The following EBF2 variants were observed in gnomAD, a reference collection of about 807,000 sequenced individuals.
The protein encoded by EBF2 is transcription factor COE2.
In EBF2, 21 loss-of-function variants were observed where a neutral mutation model predicts 72.8. The ratio of observed to expected loss-of-function variants is 0.29; its 90% CI spans 0.20 to 0.42. EBF2 has a LOEUF of 0.42. EBF2 is among the 10% of genes least tolerant of loss of function. The pLI is 1.00. For missense variants in EBF2, 637 were observed against 731.2 expected, an observed-to-expected ratio of 0.87 and a Z score of 1.49; for synonymous variants, 299 against 274.2, an observed-to-expected ratio of 1.09 and a Z score of -0.89.
chr8:25,996,952 T>C (rs992601541), intron 6 of EBF2, among the ~76,000 whole-genome samples: 3 of 152,210 alleles, frequency 2.0e-5, no homozygotes, highest in African/African-American at 7.2e-5. Flanking sequence ...CCACTATTTT[T>C]AGGGAAATAC....
At chr8:25,932,153 C>T (rs1453943355) in intron 6 of EBF2, among the ~76,000 whole-genome samples, 1 of 152,082 alleles carries the variant, frequency 6.6e-6, no homozygotes, top group Non-Finnish European at 1.5e-5. Flanking sequence ...GTTCTAGTCC[C>T]AGAACTGCAC....
intron 6 of EBF2, among the ~76,000 whole-genome samples, chr8:25,927,920 T>C (rs950942788): frequency 7.9e-5 from 12 of 152,310 alleles, no homozygotes; most frequent in Admixed American, 3.9e-4. Context: ...CTGTCATGAA[T>C]AAAACCTGGC....
chr8:25,908,380 A>G, intron 7 of EBF2, 94 bp downstream of exon 7: 2 of 926,988 alleles, frequency 2.2e-6, no homozygotes, highest in Admixed American at 2.4e-5. Context: ...AGCAGTGAAT[A>G]GTAATTTTTA....
intron 6 of EBF2, among the ~76,000 whole-genome samples, chr8:26,013,052 T>C (rs1554481764): frequency 2.0e-5 from 3 of 152,110 alleles, no homozygotes; most frequent in Non-Finnish European, 4.4e-5. Flanking sequence ...TCCTAGTTGA[T>C]GAAGAGTGTT....
intron 6 of EBF2, among the ~76,000 whole-genome samples, chr8:25,962,821 A>C (rs1804056511): frequency 6.6e-6 from 1 of 152,192 alleles, no homozygotes; most frequent in Non-Finnish European, 1.5e-5. Flanking sequence ...AATCCCCTAC[A>C]ACAAGTTATG....
intron 6 of EBF2, among the ~76,000 whole-genome samples, chr8:25,984,596 T>A (rs777557379): frequency 3.2e-4 from 49 of 151,754 alleles, no homozygotes; most frequent in Non-Finnish European, 6.2e-4. Flanking sequence ...ACAGGAGAAT[T>A]GCTTGAAACC....
chr8:25,843,111 A>G lies in EBF2; in HGVS notation c.*1498T>C, dbSNP rs13257257. On this transcript the variant is annotated 3_prime_UTR_variant, in exon 16 of 16. Coordinates refer to ENST00000520164, the MANE Select transcript of EBF2 (RefSeq NM_022659.4). The stretch of plus-strand genomic sequence containing the variant: ...TCTTCCCCTCTAAGAGCTAGTCACA[A>G]AACGATGAAGAGCCCATCAAAGGGC... 0.29 allele frequency: 44,248 copies of G among 152,112 alleles called. 6,619 individuals carry two copies. Among genetic ancestry groups the G allele is most frequent in the South Asian group, 0.41 (1,966 of 4,822 alleles). 9.4% of individuals were successfully genotyped at this position (152,112 alleles called of 1,614,324 possible).
chr8:25,922,826 G>A (rs1045921440), intron 6 of EBF2, among the ~76,000 whole-genome samples: 3 of 152,070 alleles, frequency 2.0e-5, no homozygotes, highest in Non-Finnish European at 4.4e-5. Flanking sequence ...TAATTGACAC[G>A]CTCAGTATCC....
chr8:25,962,311 G>A (rs1196139497), intron 6 of EBF2, among the ~76,000 whole-genome samples: 1 of 152,122 alleles, frequency 6.6e-6, no homozygotes, highest in Non-Finnish European at 1.5e-5. Context: ...GGTTTTGTGT[G>A]GACCCCAGTT....
At chr8:25,993,825 G>A (rs527241946) in intron 6 of EBF2, among the ~76,000 whole-genome samples, 16 of 152,238 alleles carry the variant, frequency 1.1e-4, no homozygotes, top group African/African-American at 3.6e-4. Context: ...AGCTTATTAT[G>A]TTCCAGGAAT....
At chr8:25,950,475 G>A in intron 6 of EBF2, among the ~76,000 whole-genome samples, 1 of 152,206 alleles carries the variant, frequency 6.6e-6, no homozygotes, top group East Asian at 1.9e-4. Flanking sequence ...GCTCCTGAAA[G>A]TTCCTGGCTG....
At chr8:25,941,486 G>A (rs895583074) in intron 6 of EBF2, among the ~76,000 whole-genome samples, 12 of 152,136 alleles carry the variant, frequency 7.9e-5, no homozygotes, top group African/African-American at 2.2e-4. Flanking sequence ...GATTACAGGC[G>A]TGAGCCACTA....
Position 25,860,282 on chromosome 8 carries a change from G to A in EBF2, c.1342+767C>T, listed in dbSNP as rs563604645. On this transcript the variant is annotated intron_variant, in intron 13 of 15. Coordinates refer to ENST00000520164, the MANE Select transcript of EBF2 (RefSeq NM_022659.4). Reference sequence around the variant, plus strand: ...TATATATATGAAATAATACAAAATAGAAGTTACCAAATAAAACCAAGCCAT... The same window carrying A: ...TATATATATGAAATAATACAAAATAAAAGTTACCAAATAAAACCAAGCCAT... Among the ~76,000 whole-genome samples the A allele has an allele frequency of 2.6e-5, 4 of 152,180 alleles. No homozygotes were observed. The East Asian group carries it at 7.7e-4, about 29-fold the overall frequency.
intron 6 of EBF2, among the ~76,000 whole-genome samples, chr8:25,942,825 A>G (rs1385662191): frequency 6.6e-6 from 1 of 152,136 alleles, no homozygotes; most frequent in Non-Finnish European, 1.5e-5. Context: ...CCTTGGCACC[A>G]TAGAGCTTAA....
At chr8:25,996,054 G>T (rs768971326) in intron 6 of EBF2, among the ~76,000 whole-genome samples, 2 of 152,066 alleles carry the variant, frequency 1.3e-5, no homozygotes, top group Non-Finnish European at 2.9e-5. Flanking sequence ...AACACTTTGG[G>T]AAGCCAAAGC....
intron 15 of EBF2, among the ~76,000 whole-genome samples, chr8:25,845,416 G>C (rs1467276763): frequency 6.6e-6 from 1 of 152,138 alleles, no homozygotes; most frequent in Non-Finnish European, 1.5e-5. Flanking sequence ...GTATTGAATG[G>C]GGTTTCGCCA....
At chr8:25,970,233 T>C (rs1377810846) in intron 6 of EBF2, among the ~76,000 whole-genome samples, 1 of 152,144 alleles carries the variant, frequency 6.6e-6, no homozygotes, top group East Asian at 1.9e-4. Context: ...TGCTCCAGAT[T>C]GCTTGCTGAC....
At chr8:25,918,124 T>C (rs1803255105) in intron 6 of EBF2, among the ~76,000 whole-genome samples, 1 of 152,202 alleles carries the variant, frequency 6.6e-6, no homozygotes, top group South Asian at 2.1e-4. Context: ...CATCATGCAA[T>C]GTTGGAGAAA....
At chr8:25,998,780 G>A (rs1307217831) in intron 6 of EBF2, among the ~76,000 whole-genome samples, 1 of 152,130 alleles carries the variant, frequency 6.6e-6, no homozygotes, top group Non-Finnish European at 1.5e-5. Context: ...TCATCTCAGG[G>A]ATAACACATT....
Sources: allele counts gnomAD v4.1 joint callset (sites outside exome capture counted in the v4.1 genomes callset), GRCh38; gene constraint gnomAD v4.1.1; transcripts MANE v1.5; gene names NCBI Gene and HGNC (gene_info 2026-07-23, HGNC 2026-07-21).